Variants in BPTF observed in about 807,000 individuals in gnomAD.
The protein encoded by BPTF is bromodomain PHD finger transcription factor.
A neutral mutation model predicts 292.5 loss-of-function variants in BPTF; 18 were observed. The ratio of observed to expected loss-of-function variants is 0.06; its 90% CI spans 0.04 to 0.09. The LOEUF (loss-of-function observed/expected upper bound fraction) is 0.09, where lower values mean the gene tolerates loss of function less well. Among genes scored for constraint, BPTF ranks in the 10% least tolerant of loss-of-function variants. The probability of loss-of-function intolerance (pLI) is 1.00; values close to 1 mark genes in which losing one functional copy is unlikely to be tolerated. For missense variants in BPTF, 2,726 were observed against 3,498.7 expected (o/e 0.78, Z 5.57); for synonymous variants, 1,225 against 1,251.9 (o/e 0.98, Z 0.45).
intron 2 of BPTF, among the ~76,000 whole-genome samples, chr17:67,864,754 G>A (rs2059295843): frequency 6.6e-6 from 1 of 151,970 alleles, no homozygotes; most frequent in African/African-American, 2.4e-5. Flanking sequence ...AGTATTATGG[G>A]CTTTGGAATA....
At chr17:67,878,737 T>C (rs575627034) in intron 4 of BPTF, among the ~76,000 whole-genome samples, 16 of 152,202 alleles carry the variant, frequency 1.1e-4, no homozygotes, top group Non-Finnish European at 1.9e-4. Context: ...GGGAGGTACC[T>C]GTCTGCTTCT....
At chr17:67,901,573 A>T (rs945634418) in intron 7 of BPTF, among the ~76,000 whole-genome samples, 3 of 152,258 alleles carry the variant, frequency 2.0e-5, no homozygotes, top group Admixed American at 6.5e-5. Flanking sequence ...TATAAATGAA[A>T]ACTACTAATA....
rs1436828307 is a variant in BPTF at position 67,854,964 on chromosome 17, C to T, written c.1436+202C>T. The stretch of plus-strand genomic sequence containing the variant: ...GTAAAGGAAACATATATGAAAGAAG[C>T]AAAATTCCATTGTTTTTTGATGCCT... On this transcript the variant is annotated intron_variant, in intron 2 of 27. Coordinates refer to ENST00000306378, the MANE Select transcript of BPTF (RefSeq NM_182641.4). This position sits in a 1 kb window ranked among gnomAD's most constrained non-coding sequence, Gnocchi z 5.6. Among the ~76,000 whole-genome samples, 1 of 152,150 alleles carries T rather than the reference C, an allele frequency of 6.6e-6. No homozygotes were observed. Among genetic ancestry groups the T allele is most frequent in the Non-Finnish European group, 1.5e-5 (1 of 68,022 alleles).
chr17:67,909,605 A>G lies in BPTF; in HGVS notation c.2836A>G (p.Met946Val), dbSNP rs1028299573. Residue 946 changes from methionine (M) to valine (V), a missense_variant, in exon 10 of 28, where the codon ATG becomes GTG. By Grantham distance (21) the Met-to-Val change is conservative. Around this residue, in one of 22 missense-constraint regions of BPTF, gnomAD observed 713 missense variants for 714.9 expected, o/e 1.00. Coordinates refer to ENST00000306378, the MANE Select transcript of BPTF (RefSeq NM_182641.4). ...AGCCAAAAATAATATGGATGAAAAT[A>G]TGGATGAGTCAGATAAAAGAAAATG... Reference protein sequence around the residue: ...EGTKNNMDENMDESDKRKCSR... With the variant: ...EGTKNNMDENVDESDKRKCSR... The G allele has an allele frequency of 6.4e-7, 1 of 1,566,648 alleles. No individual in the cohort carries two copies. Among genetic ancestry groups the G allele is most frequent in the Non-Finnish European group, 8.6e-7 (1 of 1,161,876 alleles).
In BPTF at chr17:67,866,624, A is replaced by G. The variant is rs1351732374; in HGVS notation, c.1597A>G (p.Ile533Val). 3.1e-6 allele frequency: 5 copies of G among 1,614,020 alleles called. No homozygotes were observed. The highest frequency in any genetic ancestry group is 2.2e-5 in the East Asian group (1 of 44,888). Reference protein sequence around the residue: ...MREEIHRHMDITEDLTNKARG... With the variant: ...MREEIHRHMDVTEDLTNKARG... ...TGAAGAAATCCACCGACACATGGACATAACTGAAGACCTGACCAATAAGGC... is the reference window on the plus strand; with the variant it reads ...TGAAGAAATCCACCGACACATGGACGTAACTGAAGACCTGACCAATAAGGC... The change falls in exon 3 of 28, where the codon ATA (isoleucine) becomes GTA (valine). Residue 533 changes from isoleucine to valine, a missense_variant. By Grantham distance (29) the Ile-to-Val change is conservative. Transcript: ENST00000306378.
intron 23 of BPTF, chr17:67,956,268 G>A (rs2066924911): frequency 1.4e-5 from 2 of 142,392 alleles, no homozygotes; most frequent in Admixed American, 7.4e-5. Context: ...GCAGTGAGCC[G>A]AGATTGCGCC....
At chr17:67,926,922 T>C (rs1264364141) in intron 15 of BPTF, among the ~76,000 whole-genome samples, 1 of 151,998 alleles carries the variant, frequency 6.6e-6, no homozygotes, top group Non-Finnish European at 1.5e-5. Context: ...TTTTTTTTTT[T>C]CTTTCTTTTT....
chr17:67,964,546 A>C, intron 25 of BPTF, 142 bp downstream of exon 25: 1 of 972,426 alleles, frequency 1.0e-6, no homozygotes, highest in Non-Finnish European at 1.5e-6. Flanking sequence ...AACAAACTGC[A>C]GTCCTTCACG....
chr17:67,923,801 T>C (rs1213180500), intron 14 of BPTF, among the ~76,000 whole-genome samples: 3 of 151,756 alleles, frequency 2.0e-5, no homozygotes, highest in Admixed American at 1.3e-4. Flanking sequence ...TTTTAATGTG[T>C]TGTCCATTTG....
chr17:67,914,375 T>C (rs916031145), intron 11 of BPTF, among the ~76,000 whole-genome samples: 4 of 152,184 alleles, frequency 2.6e-5, no homozygotes, highest in Admixed American at 6.5e-5. Flanking sequence ...ATATCATCAC[T>C]CCATTACACA....
At position 67,866,657 on chromosome 17, in the gene BPTF, A is replaced by G; in HGVS notation, c.1630A>G (p.Ser544Gly). ...AGACCTGACCAATAAGGCTCGGGGC[A>G]GTAACAAATCCTTTCTGGCGGCAGC... ...TEDLTNKARGSNKSFLAAANE... is the reference protein window; with the variant it reads ...TEDLTNKARGGNKSFLAAANE... Residue 544 changes from serine to glycine, a missense_variant, in exon 3 of 28, where the codon AGT becomes GGT. Coordinates refer to ENST00000306378, the MANE Select transcript of BPTF (RefSeq NM_182641.4). 3.1e-6 allele frequency: 5 copies of G among 1,613,822 alleles called. No homozygotes were observed. Among genetic ancestry groups the G allele is most frequent in the Non-Finnish European group, 4.2e-6 (5 of 1,179,768 alleles).
chr17:67,975,912 C>G lies in BPTF; in HGVS notation c.8680C>G (p.Leu2894Val), dbSNP rs782208760. 6.2e-7 allele frequency: 1 copy of G among 1,613,094 alleles called. No individual in the cohort carries two copies. Among genetic ancestry groups the G allele is most frequent in the Middle Eastern group, 1.7e-4 (1 of 6,056 alleles). Residue 2894 changes from leucine (L) to valine (V), a missense_variant, in exon 27 of 28, where the codon CTC (leucine) becomes GTC (valine). Transcript: ENST00000306378. ...DSPFYQCAEV[L>V]ESFFVQKLKG... ...CCCATTTTACCAGTGTGCAGAAGTTCTCGAATCATTCTTTGTACAGAAATT... is the reference window on the plus strand; with the variant it reads ...CCCATTTTACCAGTGTGCAGAAGTTGTCGAATCATTCTTTGTACAGAAATT...
intron 18 of BPTF, among the ~76,000 whole-genome samples, chr17:67,939,041 G>C (rs780555087): frequency 3.3e-5 from 5 of 152,182 alleles, no homozygotes; most frequent in African/African-American, 9.7e-5. Context: ...TAGGCACACA[G>C]AGCTGGCAGT....
chr17:67,825,527 C>G lies in BPTF; in HGVS notation c.-198C>G, dbSNP rs2055901741. 4.7e-6 allele frequency: 2 copies of G among 424,528 alleles called. No homozygotes were observed. The highest frequency in any genetic ancestry group is 1.7e-5 in the South Asian group (1 of 59,998). The allele number at this position is 424,528 out of a possible 1,614,324, so 26.3% of individuals were successfully genotyped here. On this transcript the variant is annotated 5_prime_UTR_variant, in exon 1 of 28. Coordinates refer to ENST00000306378, the MANE Select transcript of BPTF (RefSeq NM_182641.4). ...CAGTCACCGAGCGAGAGGGAAGAAA[C>G]AAGATGGCGGCTGAAGGCGATCCGG...
chr17:67,844,694 T>C (rs11868959), intron 1 of BPTF, among the ~76,000 whole-genome samples: 30,837 of 151,672 alleles, frequency 0.2, 3,895 homozygotes, highest in East Asian at 0.66. Flanking sequence ...AACCACTGCG[T>C]CCAGTCTGTT....
intron 23 of BPTF, chr17:67,955,819 CA>C (rs1555680713): frequency 6.6e-6 from 1 of 151,368 alleles, no homozygotes; most frequent in African/African-American, 2.4e-5. Flanking sequence ...CATCTCGAAA[CA>C]AAAAACTGTA....
Position 67,826,035 on chromosome 17 carries a change from G to C in BPTF, c.311G>C (p.Gly104Ala). 1 of 1,200,124 alleles carries C rather than the reference G, an allele frequency of 8.3e-7. No individual in the cohort carries two copies. Among genetic ancestry groups the C allele is most frequent in the Non-Finnish European group, 1.1e-6 (1 of 948,646 alleles). The allele number at this position is 1,200,124 out of a possible 1,614,324, so 74.3% of individuals were successfully genotyped here. Residue 104 changes from glycine (G) to alanine (A), a missense_variant, in exon 1 of 28, where the codon GGC (glycine) becomes GCC (alanine). Around this residue, in one of 22 missense-constraint regions of BPTF, gnomAD observed 103 missense variants for 72.1 expected, o/e 1.43. Transcript: ENST00000306378. ...GGAGGCGGGGGCGGCAGGACGGGGGGCGGGGGCGGCGGCGGCCACCTGGCC... is the reference window on the plus strand; with the variant it reads ...GGAGGCGGGGGCGGCAGGACGGGGGCCGGGGGCGGCGGCGGCCACCTGGCC... ...GRGGGGGRTGGGGGGGHLART... is the reference protein window; with the variant it reads ...GRGGGGGRTGAGGGGGHLART...
At chr17:67,972,057 C>T (rs1389633381) in intron 26 of BPTF, among the ~76,000 whole-genome samples, 2 of 152,080 alleles carry the variant, frequency 1.3e-5, no homozygotes, top group Non-Finnish European at 2.9e-5. Context: ...ATATTTACCA[C>T]TACTCCTATA....
At chr17:67,886,365 T>C in intron 4 of BPTF, 1 of 1,343,138 alleles carries the variant, frequency 7.4e-7, no homozygotes, top group Non-Finnish European at 9.9e-7. Context: ...TTTTCTTTTT[T>C]TTCTTTTTTT....
Sources: allele counts gnomAD v4.1 joint callset (sites outside exome capture counted in the v4.1 genomes callset), GRCh38; gene constraint gnomAD v4.1.1; regional missense constraint gnomAD v4.1.1; non-coding constraint Gnocchi (gnomAD v3.1); transcripts MANE v1.5; gene names NCBI Gene and HGNC (gene_info 2026-07-23, HGNC 2026-07-21).